The following AP1B1 variants were observed in gnomAD, a reference collection of about 807,000 sequenced individuals.
The protein encoded by AP1B1 is adaptor related protein complex 1 subunit beta 1.
Under a neutral mutation model 104.3 loss-of-function variants are expected in AP1B1, and 36 were observed. The observed-to-expected ratio is 0.35, with a 90% CI of 0.26 to 0.46. AP1B1 has a LOEUF of 0.46. AP1B1 is among the 20% of genes least tolerant of loss of function. The probability of loss-of-function intolerance (pLI) is 1.00; values close to 1 mark genes in which losing one functional copy is unlikely to be tolerated. For synonymous variants in AP1B1, 504 were observed against 517.5 expected (o/e 0.97, Z 0.35); for missense variants, 901 against 1,247.9 (o/e 0.72, Z 4.19).
intron 6 of AP1B1, among the ~76,000 whole-genome samples, chr22:29,355,276 A>G (rs1327732774): frequency 6.7e-6 from 1 of 148,454 alleles, no homozygotes; most frequent in Non-Finnish European, 1.5e-5. Flanking sequence ...GGGCAAAATC[A>G]TGAGACCCTT....
At chr22:29,373,965 A>G (rs895985458) in intron 1 of AP1B1, among the ~76,000 whole-genome samples, 3 of 150,050 alleles carry the variant, frequency 2.0e-5, no homozygotes, top group Admixed American at 6.7e-5. Context: ...TGGGAGGCTG[A>G]GGGGGGTGGA....
At chr22:29,330,250 G>C in intron 21 of AP1B1, 128 bp downstream of exon 21, 1 of 1,514,380 alleles carries the variant, frequency 6.6e-7, no homozygotes, top group Non-Finnish European at 8.9e-7. Flanking sequence ...CCTTCTCAGG[G>C]ACCAAACTGA....
intron 16 of AP1B1, among the ~76,000 whole-genome samples, chr22:29,336,042 A>G (rs16987416): frequency 0.053 from 8,093 of 152,158 alleles, 404 homozygotes; most frequent in African/African-American, 0.14. Context: ...CTTGGTCACT[A>G]TGGGTTCATG....
At position 29,358,978 on chromosome 22, in the gene AP1B1, G is replaced by C. The variant is rs759348174; in HGVS notation, c.280-7C>G. 2.5e-6 allele frequency: 4 copies of C among 1,600,952 alleles called. No homozygotes were observed. The Admixed American group carries it at 6.8e-5, about 27-fold the overall frequency. Reference sequence around the variant, plus strand: ...GGTTGGGGTCCTCACAGTCCTGGGGGGAACCAGCCATCGGCCAGGGCAGGG... The same window carrying C: ...GGTTGGGGTCCTCACAGTCCTGGGGCGAACCAGCCATCGGCCAGGGCAGGG... On this transcript the variant is annotated splice_region_variant and splice_polypyrimidine_tract_variant and intron_variant, in intron 4 of 22. Transcript: ENST00000357586.
chr22:29,348,316 A>G (rs2061823005), intron 11 of AP1B1, among the ~76,000 whole-genome samples: 1 of 152,256 alleles, frequency 6.6e-6, no homozygotes, highest in African/African-American at 2.4e-5. Context: ...TCCTGTAAAC[A>G]AGCATCCTTT....
At chr22:29,331,684 C>T (rs2061560750) in intron 18 of AP1B1, 103 bp downstream of exon 18, 1 of 1,602,020 alleles carries the variant, frequency 6.2e-7, no homozygotes, top group Non-Finnish European at 8.5e-7. Flanking sequence ...AACACATCTG[C>T]AGCTAAGAGC....
intron 22 of AP1B1, chr22:29,329,443 A>G: frequency 7.3e-7 from 1 of 1,362,818 alleles, no homozygotes; most frequent in Non-Finnish European, 9.4e-7. Flanking sequence ...CTGGTTCTGC[A>G]GGGTGCAGTT....
intron 11 of AP1B1, among the ~76,000 whole-genome samples, chr22:29,346,911 C>A (rs997340630): frequency 1.3e-5 from 2 of 152,202 alleles, no homozygotes; most frequent in African/African-American, 4.8e-5. Context: ...TCCTTCAGAG[C>A]CTCGCCCTTC....
At chr22:29,387,428 C>T (rs1452263918) in intron 1 of AP1B1, among the ~76,000 whole-genome samples, 4 of 152,006 alleles carry the variant, frequency 2.6e-5, no homozygotes, top group Non-Finnish European at 5.9e-5. Context: ...CTGCCTCAGC[C>T]TCCCAAGTAG....
rs139091597 is a variant in AP1B1, at chr22:29,348,585, GTTA to G, written c.1437+630_1437+632del. Among the ~76,000 whole-genome samples, 396 of 152,302 alleles carry G rather than the reference GTTA, an allele frequency of 2.6e-3. 2 individuals are homozygous for G. The highest frequency in any genetic ancestry group is 9.2e-3 in the African/African-American group (383 of 41,550). On this transcript the variant is annotated intron_variant, in intron 11 of 22. Transcript: ENST00000357586. Reference sequence around the variant, plus strand: ...TAAACAGAAACACACATTTAAAAAGGTTATTAACTGATCAATTGACAAAAACGT... The same window carrying G: ...TAAACAGAAACACACATTTAAAAAGGTTAACTGATCAATTGACAAAAACGT...
At chr22:29,336,555 A>C (rs2061640693) in intron 16 of AP1B1, among the ~76,000 whole-genome samples, 1 of 151,976 alleles carries the variant, frequency 6.6e-6, no homozygotes, top group African/African-American at 2.4e-5. Flanking sequence ...TAATTCCAGC[A>C]CTTTGGGAGG....
chr22:29,342,191 G>A (rs1464799968), intron 12 of AP1B1, 94 bp downstream of exon 12: 2 of 1,017,512 alleles, frequency 2.0e-6, no homozygotes, highest in Non-Finnish European at 2.9e-6. Context: ...TGTCTTAGGA[G>A]CGGGCCTGGC....
intron 7 of AP1B1, among the ~76,000 whole-genome samples, chr22:29,352,368 T>C (rs2061890135): frequency 6.6e-6 from 1 of 152,222 alleles, no homozygotes; most frequent in Non-Finnish European, 1.5e-5. Flanking sequence ...GCTTCCCTAC[T>C]GGGAATATGG....
intron 16 of AP1B1, among the ~76,000 whole-genome samples, chr22:29,334,910 C>T (rs910911067): frequency 1.3e-5 from 2 of 152,232 alleles, no homozygotes; most frequent in South Asian, 2.1e-4. Flanking sequence ...CTGGTCTGAC[C>T]AAGGACAGTA....
intron 11 of AP1B1, among the ~76,000 whole-genome samples, chr22:29,343,304 G>A (rs2061741088): frequency 6.6e-6 from 1 of 152,204 alleles, no homozygotes; most frequent in Non-Finnish European, 1.5e-5. Flanking sequence ...AGGAGGGCAG[G>A]AGTGGCAGTG....
chr22:29,330,288 C>T (rs1180196821), intron 21 of AP1B1, 90 bp downstream of exon 21: 14 of 1,578,166 alleles, frequency 8.9e-6, no homozygotes, highest in African/African-American at 5.4e-5. Context: ...CTTGAAGGGA[C>T]GCTTGGACCG....
In AP1B1 at chr22:29,328,877, C is replaced by T. The variant is rs765237420; in HGVS notation, c.2794G>A (p.Ala932Thr). 1.2e-6 allele frequency: 2 copies of T among 1,609,450 alleles called. No homozygotes were observed. The highest frequency in any genetic ancestry group is 1.7e-6 in the Non-Finnish European group (2 of 1,179,154). The change falls in exon 23 of 23, where the codon GCA (alanine) becomes ACA (threonine). Residue 932 changes from alanine to threonine, a missense_variant. Ala to Thr is a moderately conservative substitution (Grantham distance 58). Around this residue, in one of 3 missense-constraint regions of AP1B1, gnomAD observed 424 missense variants for 494.0 expected, o/e 0.86. Transcript: ENST00000357586. The surrounding 1 kb of genome is among the most constrained non-coding windows in gnomAD (Gnocchi z 4.1). ...TACACGTGCTGGGACACCTCTGGTGCTCGACACTTCAGGGACAGCTGCAGG... is the reference window on the plus strand; with the variant it reads ...TACACGTGCTGGGACACCTCTGGTGTTCGACACTTCAGGGACAGCTGCAGG... ...TDLELSLKCR[A>T]PEVSQHVYQA... is the part of the protein sequence containing the mutation.
At chr22:29,358,651 T>C in intron 5 of AP1B1, 75 bp downstream of exon 5, 6 of 1,550,448 alleles carry the variant, frequency 3.9e-6, no homozygotes, top group Non-Finnish European at 5.3e-6. Flanking sequence ...GACTGCCTGG[T>C]GAAGAGTCAA....
intron 8 of AP1B1, chr22:29,351,470 A>G: frequency 4.9e-6 from 4 of 820,318 alleles, no homozygotes; most frequent in Non-Finnish European, 5.8e-6. Flanking sequence ...GATTTAGCTA[A>G]CATATCCAAC....
Sources: allele counts gnomAD v4.1 joint callset (sites outside exome capture counted in the v4.1 genomes callset), GRCh38; gene constraint gnomAD v4.1.1; regional missense constraint gnomAD v4.1.1; non-coding constraint Gnocchi (gnomAD v3.1); transcripts MANE v1.5; gene names NCBI Gene and HGNC (gene_info 2026-07-23, HGNC 2026-07-21).